Variants in GLI3 observed in about 807,000 individuals in gnomAD.
GLI3 encodes the protein transcription activator GLI3.
A neutral mutation model predicts 100.8 loss-of-function variants in GLI3; 20 were observed. The observed-to-expected ratio is 0.20, with a 90% CI of 0.14 to 0.29. GLI3 has a LOEUF of 0.29. Ranked by LOEUF, GLI3 falls within the 10% of genes least tolerant of loss-of-function variation. GLI3 has a pLI of 1.00. For missense variants in GLI3, 2,040 were observed against 2,128.5 expected (o/e 0.96, Z 0.82); for synonymous variants, 938 against 860.5 (o/e 1.09, Z -1.58).
At chr7:42,088,908 T>C (rs1785160347) in intron 3 of GLI3, among the ~76,000 whole-genome samples, 1 of 152,170 alleles carries the variant, frequency 6.6e-6, no homozygotes, top group Admixed American at 6.5e-5. Context: ...GCAGCCTCAG[T>C]GGTGATCTCA....
chr7:42,045,233 GA>G (rs1428003714), intron 6 of GLI3, 150 bp downstream of exon 6: 12 of 823,212 alleles, frequency 1.5e-5, no homozygotes, highest in Non-Finnish European at 2.3e-5. Context: ...TCTAGAAAAC[GA>G]AGGGAACCAG....
intron 1 of GLI3, among the ~76,000 whole-genome samples, chr7:42,228,085 C>A (rs944271957): frequency 2.0e-5 from 3 of 151,888 alleles, no homozygotes; most frequent in African/African-American, 7.3e-5. Flanking sequence ...GCCGCGGCGG[C>A]GGCGCGGTGG....
chr7:42,194,023 T>C (rs1348294644), intron 2 of GLI3, among the ~76,000 whole-genome samples: 1 of 152,236 alleles, frequency 6.6e-6, no homozygotes, highest in Non-Finnish European at 1.5e-5. Flanking sequence ...GTACATTTCC[T>C]GTGGACTTTC....
chr7:42,210,226 G>T (rs1200852936), intron 2 of GLI3, among the ~76,000 whole-genome samples: 1 of 151,840 alleles, frequency 6.6e-6, no homozygotes, highest in Non-Finnish European at 1.5e-5. Flanking sequence ...GTAGGAGCTA[G>T]GCTTTCCTAG....
At position 42,076,816 on chromosome 7, in the gene GLI3, T is replaced by C. The variant is rs767168924; in HGVS notation, c.409A>G (p.Ile137Val). Residue 137 changes from isoleucine (I) to valine (V), a missense_variant, in exon 4 of 15, where the codon ATT becomes GTT. By Grantham distance (29) the Ile-to-Val change is conservative. Transcript: ENST00000395925. ...LFPAFHPPVP[I>V]DARHHEGRYH... ...CGGCCCTCATGATGTCTGGCATCAA[T>C]TGGTACAGGAGGATGGAAGGCAGGG... 1.9e-6 allele frequency: 3 copies of C among 1,613,398 alleles called. No individual in the cohort carries two copies. The highest frequency in any genetic ancestry group is 2.5e-6 in the Non-Finnish European group (3 of 1,179,398).
chr7:42,261,851 G>A (rs1420479597), intron 1 of GLI3, among the ~76,000 whole-genome samples: 1 of 139,580 alleles, frequency 7.2e-6, no homozygotes, highest in Non-Finnish European at 1.6e-5. Context: ...AACAGTCTTT[G>A]TTTTCTTTCC....
chr7:42,006,703 T>G (rs1325588662), intron 10 of GLI3, among the ~76,000 whole-genome samples: 1 of 152,020 alleles, frequency 6.6e-6, no homozygotes, highest in African/African-American at 2.4e-5. Flanking sequence ...CAGGGAAACA[T>G]GGATAACTTC....
chr7:42,235,573 A>G (rs1422397838), intron 1 of GLI3, among the ~76,000 whole-genome samples: 1 of 152,222 alleles, frequency 6.6e-6, no homozygotes, highest in Non-Finnish European at 1.5e-5. Flanking sequence ...TTAAGAGGGA[A>G]AGGCCTAATT....
intron 2 of GLI3, among the ~76,000 whole-genome samples, chr7:42,219,570 C>A (rs1638656585): frequency 6.6e-6 from 1 of 152,104 alleles, no homozygotes; most frequent in Non-Finnish European, 1.5e-5. Context: ...TATGTTTAAA[C>A]AAAACTCTAT....
chr7:42,125,655 C>T (rs150434956), intron 3 of GLI3, among the ~76,000 whole-genome samples: 3,206 of 152,318 alleles, frequency 0.021, 39 homozygotes, highest in Middle Eastern at 0.037. Flanking sequence ...AAAGGGAGTT[C>T]TCACTCCTGA....
intron 3 of GLI3, among the ~76,000 whole-genome samples, chr7:42,137,442 C>G (rs1443148989): frequency 6.6e-6 from 1 of 152,184 alleles, no homozygotes; most frequent in Non-Finnish European, 1.5e-5. Context: ...TTGGCATGCT[C>G]TCCGCTCCTG....
chr7:42,139,930 A>T (rs1786525461), intron 3 of GLI3, among the ~76,000 whole-genome samples: 1 of 152,206 alleles, frequency 6.6e-6, no homozygotes, highest in Admixed American at 6.5e-5. Flanking sequence ...TAATCACCCC[A>T]GACTCTTGCA....
In GLI3 at chr7:42,092,829, A is replaced by ATT. The variant is rs1423905238; in HGVS notation, c.368-15973_368-15972insAA. On this transcript the variant is annotated intron_variant, in intron 3 of 14. Transcript: ENST00000395925. ...TATTTATTTATGTATTTATGTATTT[A>ATT]TAGAGACGGAGTCTTGCTCTGTTGC... 6.5e-3 allele frequency among the ~76,000 whole-genome samples: 947 copies of ATT among 145,090 alleles called. 5 individuals carry two copies. Among genetic ancestry groups the ATT allele is most frequent in the African/African-American group, 0.014 (553 of 39,430 alleles).
At chr7:41,971,152 G>A (rs908745435) in intron 13 of GLI3, among the ~76,000 whole-genome samples, 4 of 152,132 alleles carry the variant, frequency 2.6e-5, no homozygotes, top group Non-Finnish European at 4.4e-5. Flanking sequence ...CCGTCTCAAT[G>A]GTAAGATTGT....
At chr7:42,009,779 T>C (rs1788561786) in intron 10 of GLI3, among the ~76,000 whole-genome samples, 1 of 152,146 alleles carries the variant, frequency 6.6e-6, no homozygotes, top group South Asian at 2.1e-4. Context: ...ACACAGAAGA[T>C]GAGCAAACGA....
intron 2 of GLI3, among the ~76,000 whole-genome samples, chr7:42,181,837 T>C (rs1787600316): frequency 6.6e-6 from 1 of 152,140 alleles, no homozygotes; most frequent in African/African-American, 2.4e-5. Context: ...TCTTGGTAAA[T>C]AACATCAAGC....
At chr7:42,085,510 A>G (rs1370236431) in intron 3 of GLI3, among the ~76,000 whole-genome samples, 1 of 152,212 alleles carries the variant, frequency 6.6e-6, no homozygotes, top group African/African-American at 2.4e-5. Flanking sequence ...TATTATCAAG[A>G]CAATCCTGAG....
chr7:41,995,210 A>G (rs1357308312), intron 10 of GLI3, among the ~76,000 whole-genome samples: 1 of 152,194 alleles, frequency 6.6e-6, no homozygotes, highest in African/African-American at 2.4e-5. Flanking sequence ...AAAAGTCAAG[A>G]TGTGTCCCCT....
At chr7:42,200,692 C>A (rs1788020356) in intron 2 of GLI3, among the ~76,000 whole-genome samples, 1 of 152,118 alleles carries the variant, frequency 6.6e-6, no homozygotes, top group African/African-American at 2.4e-5. Context: ...CTGGCAATTC[C>A]TGTTATGAGA....
Sources: allele counts gnomAD v4.1 joint callset (sites outside exome capture counted in the v4.1 genomes callset), GRCh38; gene constraint gnomAD v4.1.1; transcripts MANE v1.5; gene names NCBI Gene and HGNC (gene_info 2026-07-23, HGNC 2026-07-21).